Variants in TTLL5 observed in about 807,000 individuals in gnomAD.
The protein encoded by TTLL5 is tubulin tyrosine ligase like 5, also known as tubulin polyglutamylase TTLL5.
A neutral mutation model predicts 168.4 loss-of-function variants in TTLL5; 132 were observed. That is an observed-to-expected ratio of 0.78 (90% confidence interval 0.68 to 0.91). The LOEUF (loss-of-function observed/expected upper bound fraction) is 0.91, where lower values mean the gene tolerates loss of function less well. Ranked by LOEUF, TTLL5 falls within the 40% of genes least tolerant of loss-of-function variation. The probability of loss-of-function intolerance (pLI) is 0.00; values close to 1 mark genes in which losing one functional copy is unlikely to be tolerated. For synonymous variants in TTLL5, 546 were observed against 558.6 expected (o/e 0.98, Z 0.32); for missense variants, 1,545 against 1,581.5 (o/e 0.98, Z 0.39).
chr14:75,783,657 TTCTG>T, intron 26 of TTLL5, 127 bp downstream of exon 26: 1 of 1,307,676 alleles, frequency 7.6e-7, no homozygotes, highest in Admixed American at 2.7e-5. Context: ...CACTGCATTG[TTCTG>T]ACGTGACTAA....
rs189422689 is a variant in TTLL5 at position 75,778,827 on chromosome 14, A to G, written c.2388-748A>G. Reference sequence around the variant, plus strand: ...TATACTTTCTATTTTGTGGCTGTTCATAAAGAGCATATAATTTCAGTAATT... The same window carrying G: ...TATACTTTCTATTTTGTGGCTGTTCGTAAAGAGCATATAATTTCAGTAATT... On this transcript the variant is annotated intron_variant, in intron 23 of 31. Transcript: ENST00000298832. 1.8e-3 allele frequency among the ~76,000 whole-genome samples: 279 copies of G among 152,354 alleles called. 1 individual carries two copies. Among genetic ancestry groups the G allele is most frequent in the African/African-American group, 6.5e-3 (272 of 41,582 alleles).
chr14:75,879,987 A>G (rs373448338), intron 29 of TTLL5, among the ~76,000 whole-genome samples: 12 of 152,220 alleles, frequency 7.9e-5, no homozygotes, highest in South Asian at 4.1e-4. Context: ...ATAAATAACT[A>G]TATGCACGCA....
At chr14:75,681,670 G>GA in intron 4 of TTLL5, 43 bp downstream of exon 4, 1 of 1,558,320 alleles carries the variant, frequency 6.4e-7, no homozygotes, top group South Asian at 1.1e-5. Context: ...CTCATAAGCT[G>GA]AAAATCCCAG....
chr14:75,907,121 A>T (rs78754683), intron 31 of TTLL5, among the ~76,000 whole-genome samples: 1,679 of 152,346 alleles, frequency 0.011, 25 homozygotes, highest in African/African-American at 0.034. Context: ...GGACTTTCAG[A>T]TTATGGGAGG....
intron 9 of TTLL5, among the ~76,000 whole-genome samples, chr14:75,713,812 G>C (rs756511535): frequency 2.8e-4 from 43 of 152,248 alleles, no homozygotes; most frequent in Admixed American, 7.2e-4. Flanking sequence ...GATTTTTACT[G>C]TGAAACAAAG....
At chr14:75,806,807 T>A (rs1164855142) in intron 27 of TTLL5, among the ~76,000 whole-genome samples, 2 of 152,200 alleles carry the variant, frequency 1.3e-5, no homozygotes, top group Admixed American at 1.3e-4. Context: ...CATTGAGAAT[T>A]GGATCATGTC....
intron 12 of TTLL5, among the ~76,000 whole-genome samples, chr14:75,729,705 T>C (rs1186293179): frequency 1.3e-5 from 2 of 152,212 alleles, no homozygotes; most frequent in Non-Finnish European, 2.9e-5. Flanking sequence ...CAGATGTAGT[T>C]AGATTCAAGG....
chr14:75,874,227 G>A (rs997794575), intron 29 of TTLL5, among the ~76,000 whole-genome samples: 6 of 152,144 alleles, frequency 3.9e-5, no homozygotes, highest in Non-Finnish European at 7.3e-5. Flanking sequence ...GAGTAGCTGA[G>A]ACTATAGGCA....
At chr14:75,730,704 T>C (rs960163331) in intron 12 of TTLL5, among the ~76,000 whole-genome samples, 4 of 151,110 alleles carry the variant, frequency 2.6e-5, no homozygotes. Context: ...CAGTGTAGAA[T>C]CATGGGGACA....
intron 28 of TTLL5, among the ~76,000 whole-genome samples, chr14:75,858,136 A>G (rs999755468): frequency 5.3e-5 from 8 of 152,194 alleles, no homozygotes; most frequent in African/African-American, 1.9e-4. Flanking sequence ...GGGGATCCTC[A>G]GGACCCTTTG....
intron 29 of TTLL5, among the ~76,000 whole-genome samples, chr14:75,874,001 A>G (rs1448977181): frequency 6.6e-6 from 1 of 152,348 alleles, no homozygotes; most frequent in East Asian, 1.9e-4. Flanking sequence ...ATGGTATGCA[A>G]ATTAATTTGT....
At chr14:75,687,456 T>C (rs1425774985) in intron 5 of TTLL5, among the ~76,000 whole-genome samples, 4 of 152,064 alleles carry the variant, frequency 2.6e-5, no homozygotes. Flanking sequence ...GTAGTTTTAG[T>C]AGAGACGGGG....
chr14:75,670,446 G>A (rs8007468), intron 3 of TTLL5, among the ~76,000 whole-genome samples: 2,945 of 152,202 alleles, frequency 0.019, 84 homozygotes, highest in African/African-American at 0.067. Flanking sequence ...CCTAGGAATG[G>A]AATTGCTAGG....
intron 31 of TTLL5, among the ~76,000 whole-genome samples, chr14:75,921,632 G>C (rs150358708): frequency 0.013 from 2,029 of 152,312 alleles, 45 homozygotes; most frequent in African/African-American, 0.046. Context: ...CTGTAACCTT[G>C]TAGTATAGTT....
intron 27 of TTLL5, among the ~76,000 whole-genome samples, chr14:75,795,432 T>C (rs1246777327): frequency 6.6e-6 from 1 of 152,178 alleles, no homozygotes; most frequent in African/African-American, 2.4e-5. Context: ...TACGATTTTT[T>C]TTATTTCAGT....
chr14:75,905,554 A>G (rs184532205), intron 31 of TTLL5, among the ~76,000 whole-genome samples: 3 of 152,302 alleles, frequency 2.0e-5, no homozygotes, highest in Non-Finnish European at 4.4e-5. Flanking sequence ...CTCAGGCTTT[A>G]TATTAGTAGT....
At chr14:75,867,288 A>G (rs1312016602) in intron 29 of TTLL5, among the ~76,000 whole-genome samples, 1 of 152,156 alleles carries the variant, frequency 6.6e-6, no homozygotes, top group Non-Finnish European at 1.5e-5. Context: ...TAACAGAACC[A>G]TTTGAAGGGC....
chr14:75,927,654 G>C (rs2034121167), intron 31 of TTLL5, among the ~76,000 whole-genome samples: 1 of 152,178 alleles, frequency 6.6e-6, no homozygotes, highest in South Asian at 2.1e-4. Flanking sequence ...AAGATGTCTG[G>C]GCTCTGCTCT....
chr14:75,820,840 C>T (rs1566618484), intron 28 of TTLL5: 1 of 151,554 alleles, frequency 6.6e-6, no homozygotes, highest in South Asian at 2.1e-4. Flanking sequence ...ATTCCCAGCA[C>T]ATCTTGCTTT....
Sources: allele counts gnomAD v4.1 joint callset (sites outside exome capture counted in the v4.1 genomes callset), GRCh38; gene constraint gnomAD v4.1.1; transcripts MANE v1.5; gene names NCBI Gene and HGNC (gene_info 2026-07-23, HGNC 2026-07-21).